The following MARCHF1 variants were observed in gnomAD, a reference collection of about 807,000 sequenced individuals.
MARCHF1 encodes the protein E3 ubiquitin-protein ligase MARCHF1.
In MARCHF1, 40 loss-of-function variants were observed where a neutral mutation model predicts 54.2. That is an observed-to-expected ratio of 0.74 (90% confidence interval 0.57 to 0.96). The LOEUF (loss-of-function observed/expected upper bound fraction) is 0.96, where lower values mean the gene tolerates loss of function less well. Ranked by LOEUF, MARCHF1 falls within the 40% of genes least tolerant of loss-of-function variation. MARCHF1 has a pLI of 0.00. For synonymous variants in MARCHF1, 236 were observed against 236.3 expected, an observed-to-expected ratio of 1.00 and a Z score of 0.01; for missense variants, 586 against 656.5, an observed-to-expected ratio of 0.89 and a Z score of 1.17.
chr4:163,990,835 G>A (rs1752955884), intron 2 of MARCHF1, among the ~76,000 whole-genome samples: 1 of 152,144 alleles, frequency 6.6e-6, no homozygotes, highest in South Asian at 2.1e-4. Context: ...TATTGTCAGT[G>A]TTTAGGTCCA....
intron 4 of MARCHF1, among the ~76,000 whole-genome samples, chr4:163,835,828 C>A (rs997225305): frequency 3.3e-5 from 5 of 151,928 alleles, no homozygotes; most frequent in African/African-American, 1.2e-4. Flanking sequence ...GTACATATAA[C>A]CAGTTTATGC....
At chr4:164,187,259 C>G (rs1348448153) in intron 1 of MARCHF1, among the ~76,000 whole-genome samples, 1 of 65,328 alleles carries the variant, frequency 1.5e-5, no homozygotes, top group Non-Finnish European at 4.3e-5. Flanking sequence ...GGTCATAAAA[C>G]TAGGTCTGCC....
rs1741414125 is a variant in MARCHF1 at position 163,613,410 on chromosome 4, G to A, written c.163-17C>T. 1 of 1,613,316 alleles carries A rather than the reference G, an allele frequency of 6.2e-7. No individual in the cohort carries two copies. Among genetic ancestry groups the A allele is most frequent in the Non-Finnish European group, 8.5e-7 (1 of 1,179,536 alleles). ...GCTGCTTGCCTGGAGAAACAAGTTA[G>A]ATAATTTGGCATCTTGGTTAAGGTA... On this transcript the variant is annotated splice_polypyrimidine_tract_variant and intron_variant, in intron 5 of 9. Coordinates refer to ENST00000514618, the MANE Select transcript of MARCHF1 (RefSeq NM_001394959.1).
intron 2 of MARCHF1, among the ~76,000 whole-genome samples, chr4:164,040,279 T>C (rs1029771163): frequency 1.1e-4 from 15 of 142,694 alleles, no homozygotes; most frequent in African/African-American, 3.8e-4. Flanking sequence ...AATGTGTGTA[T>C]ATAGACACAA....
At chr4:163,640,249 T>A (rs556835140) in intron 5 of MARCHF1, among the ~76,000 whole-genome samples, 2 of 152,234 alleles carry the variant, frequency 1.3e-5, no homozygotes, top group South Asian at 4.1e-4. Flanking sequence ...CAGATAATAC[T>A]CTATAAATAC....
intron 2 of MARCHF1, among the ~76,000 whole-genome samples, chr4:164,050,938 T>C (rs543390012): frequency 3.8e-4 from 58 of 151,972 alleles, no homozygotes; most frequent in African/African-American, 1.4e-3. Context: ...GTCTCAATAA[T>C]AATAATAGTA....
intron 5 of MARCHF1, among the ~76,000 whole-genome samples, chr4:163,668,916 G>C (rs993871831): frequency 1.3e-5 from 2 of 152,108 alleles, no homozygotes; most frequent in Non-Finnish European, 2.9e-5. Context: ...GGGCCGACCT[G>C]AGATTCACAG....
chr4:163,629,492 T>C (rs1741991737), intron 5 of MARCHF1, among the ~76,000 whole-genome samples: 1 of 151,968 alleles, frequency 6.6e-6, no homozygotes, highest in Admixed American at 6.6e-5. Context: ...AGGACATAGG[T>C]ATGGGCAAAG....
chr4:163,934,447 T>A (rs1299434054), intron 3 of MARCHF1, among the ~76,000 whole-genome samples: 1 of 151,632 alleles, frequency 6.6e-6, no homozygotes, highest in Non-Finnish European at 1.5e-5. Context: ...TAGTCCCAGC[T>A]ACTCAGGAGG....
intron 3 of MARCHF1, among the ~76,000 whole-genome samples, chr4:163,983,620 C>A (rs4643770): frequency 0.63 from 96,021 of 151,962 alleles, 30,524 homozygotes; most frequent in East Asian, 0.89. Context: ...TGCTAAATGA[C>A]CTGGTAATAG....
chr4:163,556,419 C>T (rs965313213), intron 8 of MARCHF1, among the ~76,000 whole-genome samples: 3 of 152,086 alleles, frequency 2.0e-5, no homozygotes, highest in African/African-American at 7.2e-5. Flanking sequence ...TTTGTATCTA[C>T]CCACAGTAAG....
intron 1 of MARCHF1, chr4:164,383,181 A>G (rs1731425794): frequency 6.6e-6 from 1 of 152,106 alleles, no homozygotes; most frequent in South Asian, 2.1e-4. Context: ...TAACTGCGAC[A>G]CTCACCCGTG....
At chr4:164,294,019 A>G (rs1224134422) in intron 1 of MARCHF1, among the ~76,000 whole-genome samples, 2 of 152,218 alleles carry the variant, frequency 1.3e-5, no homozygotes, top group East Asian at 3.9e-4. Context: ...AGGCAGAGGA[A>G]GGTGGAAAGA....
chr4:163,895,287 T>C (rs551218400), intron 3 of MARCHF1, among the ~76,000 whole-genome samples: 1 of 152,292 alleles, frequency 6.6e-6, no homozygotes, highest in African/African-American at 2.4e-5. Flanking sequence ...ATTATTTAGC[T>C]TCATTATTGC....
intron 4 of MARCHF1, among the ~76,000 whole-genome samples, chr4:163,807,314 T>C (rs1748254711): frequency 1.3e-5 from 2 of 152,220 alleles, no homozygotes; most frequent in Admixed American, 1.3e-4. Context: ...GTTTATATAC[T>C]GTGTATACAG....
chr4:164,040,315 A>AATATGTATAAATACTTATAC (rs1754099157), intron 2 of MARCHF1, among the ~76,000 whole-genome samples: 1 of 114,980 alleles, frequency 8.7e-6, no homozygotes, highest in Admixed American at 9.4e-5. Context: ...TATACTTATA[A>AATATGTATAAATACTTATAC]ATATGTATAA....
At chr4:163,893,677 TA>T (rs2111278524) in intron 3 of MARCHF1, among the ~76,000 whole-genome samples, 1 of 152,272 alleles carries the variant, frequency 6.6e-6, no homozygotes, top group South Asian at 2.1e-4. Flanking sequence ...GAGAAAACAT[TA>T]AAAAATGTAT....
In MARCHF1 at chr4:164,202,176, T is replaced by C. The variant is rs138098548; in HGVS notation, c.-322-90514A>G. On this transcript the variant is annotated intron_variant, in intron 1 of 9. Transcript: ENST00000514618. ...CAAGAGCTTAGGGAGCTGACCTTGA[T>C]TTAGAGATCAGGAAAGCTTGCCCAA... Among the ~76,000 whole-genome samples the C allele has an allele frequency of 3.0e-3, 455 of 152,286 alleles. 4 individuals are homozygous for C. Among genetic ancestry groups the C allele is most frequent in the African/African-American group, 0.011 (440 of 41,554 alleles).
chr4:164,161,760 A>C (rs996928522), intron 1 of MARCHF1, among the ~76,000 whole-genome samples: 2 of 152,152 alleles, frequency 1.3e-5, no homozygotes, highest in Non-Finnish European at 2.9e-5. Flanking sequence ...CTTGGCTCCC[A>C]ACTGTCTAAA....
Sources: gnomAD v4.1 joint callset for allele counts (sites outside exome capture counted in the v4.1 genomes callset) on GRCh38, gnomAD v4.1.1 for gene constraint, MANE v1.5 for transcripts, NCBI Gene and HGNC (gene_info 2026-07-23, HGNC 2026-07-21) for gene names.